The following CPSF3 variants were observed in gnomAD, a reference collection of about 807,000 sequenced individuals.
CPSF3 encodes the protein cleavage and polyadenylation specificity factor subunit 3.
Under a neutral mutation model 84.1 loss-of-function variants are expected in CPSF3, and 57 were observed. The observed-to-expected ratio is 0.68, with a 90% confidence interval of 0.55 to 0.85. The LOEUF (loss-of-function observed/expected upper bound fraction) is 0.85, where lower values mean the gene tolerates loss of function less well. CPSF3 is among the 40% of genes least tolerant of loss of function. CPSF3 has a pLI of 0.00. For synonymous variants in CPSF3, 275 were observed against 278.1 expected, an observed-to-expected ratio of 0.99 and a Z score of 0.11; for missense variants, 522 against 838.8, an observed-to-expected ratio of 0.62 and a Z score of 4.66.
intron 15 of CPSF3, among the ~76,000 whole-genome samples, chr2:9,463,263 GT>G (rs1422246103): frequency 6.6e-6 from 1 of 152,222 alleles, no homozygotes; most frequent in Non-Finnish European, 1.5e-5. Flanking sequence ...ATCTGACGGA[GT>G]TTTTAAAGGA....
At chr2:9,444,912 C>T (rs1472338755) in intron 10 of CPSF3, among the ~76,000 whole-genome samples, 9 of 152,026 alleles carry the variant, frequency 5.9e-5, no homozygotes, top group East Asian at 3.9e-4. Context: ...GTGATCTGCC[C>T]GCCTCGGCCT....
intron 10 of CPSF3, among the ~76,000 whole-genome samples, chr2:9,444,139 A>ATT (rs1372983436): frequency 2.5e-4 from 28 of 113,246 alleles, no homozygotes; most frequent in Non-Finnish European, 3.9e-4. Flanking sequence ...TAATATATAT[A>ATT]TTATATATAT....
At chr2:9,467,097 T>G (rs1001916969) in intron 15 of CPSF3, among the ~76,000 whole-genome samples, 2 of 152,220 alleles carry the variant, frequency 1.3e-5, no homozygotes, top group Admixed American at 6.5e-5. Context: ...AGCTCTGCAC[T>G]CTTTTGCTAC....
chr2:9,431,382 T>C (rs991304769), intron 4 of CPSF3, among the ~76,000 whole-genome samples: 1 of 152,074 alleles, frequency 6.6e-6, no homozygotes, highest in Non-Finnish European at 1.5e-5. Flanking sequence ...TTTTGTGTCC[T>C]TTTAAAACTT....
chr2:9,451,790 C>T (rs13014291), intron 11 of CPSF3, among the ~76,000 whole-genome samples: 88,330 of 149,860 alleles, frequency 0.59, 27,612 homozygotes, highest in African/African-American at 0.75. Context: ...GATCTCAGCT[C>T]ACTGCAAGCT....
At chr2:9,466,247 CG>C (rs1681920784) in intron 15 of CPSF3, among the ~76,000 whole-genome samples, 2 of 102,854 alleles carry the variant, frequency 1.9e-5, no homozygotes, top group Non-Finnish European at 4.8e-5. Context: ...CGCGCACGCA[CG>C]CGCACACACG....
intron 10 of CPSF3, among the ~76,000 whole-genome samples, chr2:9,447,940 CATT>C (rs1558457573): frequency 6.6e-6 from 1 of 152,150 alleles, no homozygotes; most frequent in Non-Finnish European, 1.5e-5. Context: ...GCGTGTATCT[CATT>C]AGTGGCAAAG....
intron 16 of CPSF3, among the ~76,000 whole-genome samples, chr2:9,468,619 CTTTT>C (rs5829213): frequency 0.025 from 2,738 of 107,968 alleles, 64 homozygotes; most frequent in African/African-American, 0.041. Flanking sequence ...CTACACTGAC[CTTTT>C]TTTTTTTTTT....
chr2:9,462,129 G>A (rs1204274445), intron 15 of CPSF3, among the ~76,000 whole-genome samples: 5 of 152,202 alleles, frequency 3.3e-5, no homozygotes, highest in Non-Finnish European at 5.9e-5. Flanking sequence ...GTGGGGAAGA[G>A]GGTTAGGTGC....
chr2:9,458,154 A>C (rs954392257), intron 14 of CPSF3, among the ~76,000 whole-genome samples: 1 of 152,244 alleles, frequency 6.6e-6, no homozygotes, highest in Admixed American at 6.5e-5. Flanking sequence ...CTGTAATCCC[A>C]GCACTTTGGG....
chr2:9,457,497 G>T (rs970755743), intron 14 of CPSF3, among the ~76,000 whole-genome samples: 5 of 152,096 alleles, frequency 3.3e-5, no homozygotes, highest in Non-Finnish European at 7.4e-5. Context: ...GGAAAGGATA[G>T]AAATTATTAA....
At position 9,436,296 on chromosome 2, in the gene CPSF3, G is replaced by C; in HGVS notation, c.695G>C (p.Arg232Thr). ...AACACTGTCCACGATATTGTAAACAGAGGAGGCAGGGGTCTCATTCCTGTC... is the reference window on the plus strand; with the variant it reads ...AACACTGTCCACGATATTGTAAACACAGGAGGCAGGGGTCTCATTCCTGTC... The part of the protein sequence containing the change: ...FCNTVHDIVN[R>T]GGRGLIPVFA... Residue 232 changes from arginine to threonine, a missense_variant, in exon 7 of 18, where the codon AGA (arginine) becomes ACA (threonine). Arg to Thr is a moderately conservative substitution (Grantham distance 71). Coordinates refer to ENST00000238112, the MANE Select transcript of CPSF3 (RefSeq NM_016207.4). 6.2e-7 allele frequency: 1 copy of C among 1,614,020 alleles called. No individual in the cohort carries two copies. Among genetic ancestry groups the C allele is most frequent in the African/African-American group, 1.3e-5 (1 of 75,040 alleles).
intron 17 of CPSF3, among the ~76,000 whole-genome samples, chr2:9,472,679 G>A (rs1331227014): frequency 6.6e-6 from 1 of 151,854 alleles, no homozygotes; most frequent in East Asian, 1.9e-4. Context: ...TTTGAGACCC[G>A]GTCTCGCAGT....
intron 15 of CPSF3, among the ~76,000 whole-genome samples, chr2:9,466,648 T>TA (rs1242651519): frequency 2.0e-5 from 3 of 152,178 alleles, no homozygotes; most frequent in African/African-American, 7.2e-5. Context: ...CCATATCCCT[T>TA]ACGTATGATG....
At position 9,423,664 on chromosome 2, in the gene CPSF3, C is replaced by G; in HGVS notation, c.-110C>G. The G allele has an allele frequency of 7.2e-7, 1 of 1,398,272 alleles. No homozygotes were observed. The highest frequency in any genetic ancestry group is 2.2e-5 in the Admixed American group (1 of 44,908). The allele number at this position is 1,398,272 out of a possible 1,614,324, so 86.6% of individuals were successfully genotyped here. ...GGGCTCCGGAGTGACGGAAGTTGTG[C>G]TCTTGGTGAATGGGGTTCTTCCTTT... is the stretch of plus-strand genomic sequence containing the variant. On this transcript the variant is annotated 5_prime_UTR_variant, in exon 1 of 18. Transcript: ENST00000238112.
intron 6 of CPSF3, among the ~76,000 whole-genome samples, chr2:9,435,873 C>T (rs912767883): frequency 2.6e-5 from 4 of 151,968 alleles, no homozygotes; most frequent in Admixed American, 2.6e-4. Context: ...GCTGGGATTA[C>T]AGGCGCCCAC....
At chr2:9,441,249 T>C (rs1323816758) in intron 8 of CPSF3, among the ~76,000 whole-genome samples, 2 of 152,262 alleles carry the variant, frequency 1.3e-5, no homozygotes, top group African/African-American at 4.8e-5. Flanking sequence ...TTTAACTCGA[T>C]GCTTGAATCA....
At chr2:9,457,582 A>G (rs7563042) in intron 14 of CPSF3, among the ~76,000 whole-genome samples, 83,115 of 151,828 alleles carry the variant, frequency 0.55, 23,742 homozygotes, top group Middle Eastern at 0.68. Flanking sequence ...CAAAGGAATT[A>G]CATGGTTGAT....
intron 10 of CPSF3, among the ~76,000 whole-genome samples, chr2:9,446,109 G>T (rs910360711): frequency 2.0e-5 from 3 of 152,186 alleles, no homozygotes; most frequent in Admixed American, 6.5e-5. Flanking sequence ...CCCCTGCCAC[G>T]TGCTGGTGCT....
Sources: gnomAD v4.1 joint callset for allele counts (sites outside exome capture counted in the v4.1 genomes callset) on GRCh38, gnomAD v4.1.1 for gene constraint, MANE v1.5 for transcripts, NCBI Gene and HGNC (gene_info 2026-07-23, HGNC 2026-07-21) for gene names.